The following GOT1 variants were observed in gnomAD, a reference collection of about 807,000 sequenced individuals.
GOT1 encodes the protein glutamic-oxaloacetic transaminase 1.
GOT1 carries 25 observed loss-of-function variants against 48.2 expected under a neutral mutation model. The ratio of observed to expected loss-of-function variants is 0.52; its 90% CI spans 0.38 to 0.72. The LOEUF (loss-of-function observed/expected upper bound fraction) is 0.72. Among genes scored for constraint, GOT1 ranks in the 30% least tolerant of loss-of-function variants. The probability of loss-of-function intolerance (pLI) is 0.00; values close to 1 mark genes in which losing one functional copy is unlikely to be tolerated. For synonymous variants in GOT1, 188 were observed against 193.8 expected (o/e 0.97, Z 0.25); for missense variants, 380 against 520.1 (o/e 0.73, Z 2.62).
chr10:99,406,328 A>G, intron 3 of GOT1, 79 bp from the exon 4 acceptor site: 1 of 997,438 alleles, frequency 1.0e-6, no homozygotes, highest in Non-Finnish European at 1.6e-6. Context: ...GTCAGCTTCC[A>G]GGGCCCTCCC....
rs2032695540 is a variant in GOT1, at chr10:99,402,577, T to TA, written c.1102+2dup. On this transcript the variant is annotated splice_region_variant and intron_variant, in intron 8 of 8. Transcript: ENST00000370508. ...TGGGCTGGAGGTGGTGGGGGCCACT[T>TA]ACGGTTCAACCCAGTGAAGCTGAAC... The TA allele has an allele frequency of 6.2e-7, 1 of 1,614,178 alleles. No homozygotes were observed. The highest frequency in any genetic ancestry group is 8.5e-7 in the Non-Finnish European group (1 of 1,180,012).
Position 99,421,972 on chromosome 10 carries a change from A to G in GOT1, c.119-1167T>C, listed in dbSNP as rs531472543. On this transcript the variant is annotated intron_variant, in intron 1 of 8. Coordinates refer to ENST00000370508, the MANE Select transcript of GOT1 (RefSeq NM_002079.3). ...GCCCAGAAGGTAAAAAATAAACATT[A>G]TAATTAACATGTGATTGTGTTTTGA... is the stretch of plus-strand genomic sequence containing the variant. Among the ~76,000 whole-genome samples the G allele has an allele frequency of 4.5e-4, 69 of 152,338 alleles. 2 individuals are homozygous for G. In the South Asian group the frequency reaches 0.014, roughly 32 times the overall value.
chr10:99,409,215 C>T (rs895931808), intron 2 of GOT1, among the ~76,000 whole-genome samples: 1 of 152,034 alleles, frequency 6.6e-6, no homozygotes, highest in Non-Finnish European at 1.5e-5. Flanking sequence ...TTACTGCAAC[C>T]TCCGCCTCCT....
intron 7 of GOT1, 135 bp from the exon 8 acceptor site, chr10:99,402,857 T>C: frequency 1.4e-6 from 1 of 692,294 alleles, no homozygotes; most frequent in Non-Finnish European, 2.5e-6. Flanking sequence ...CATGTGGATG[T>C]CTGGATGGGT....
chr10:99,420,412 G>A (rs1300340809), intron 2 of GOT1: 1 of 508,098 alleles, frequency 2.0e-6, no homozygotes, highest in Non-Finnish European at 3.5e-6. Context: ...AAAATCTGAT[G>A]ATCTACTGGG....
At chr10:99,414,260 T>C (rs1324215927) in intron 2 of GOT1, among the ~76,000 whole-genome samples, 1 of 151,616 alleles carries the variant, frequency 6.6e-6, no homozygotes, top group African/African-American at 2.4e-5. Flanking sequence ...ACCAAGCAAA[T>C]GGAAAACAAA....
intron 3 of GOT1, 84 bp from the exon 4 acceptor site, chr10:99,406,333 C>T (rs925755566): frequency 1.1e-6 from 1 of 936,504 alleles, no homozygotes; most frequent in Non-Finnish European, 1.7e-6. Flanking sequence ...CTTCCAGGGC[C>T]CTCCCAGGCT....
chr10:99,406,651 G>A (rs767576798), intron 3 of GOT1, 75 bp downstream of exon 3: 156 of 1,444,216 alleles, frequency 1.1e-4, no homozygotes, highest in Non-Finnish European at 1.5e-4. Context: ...TACATTTTCT[G>A]TGTAACCAGG....
At chr10:99,424,526 C>G (rs1292678578) in intron 1 of GOT1, among the ~76,000 whole-genome samples, 1 of 152,130 alleles carries the variant, frequency 6.6e-6, no homozygotes. Context: ...GGTGTTATAT[C>G]TATTCTATAA....
At position 99,430,474 on chromosome 10, in the gene GOT1, G is replaced by A; in HGVS notation, c.92C>T (p.Pro31Leu). The A allele has an allele frequency of 6.2e-7, 1 of 1,611,076 alleles. No homozygotes were observed. Among genetic ancestry groups the A allele is most frequent in the Non-Finnish European group, 8.5e-7 (1 of 1,178,092 alleles). The change falls in exon 1 of 9, where the codon CCC becomes CTC. Residue 31 changes from proline to leucine, a missense_variant. Pro to Leu is a moderately conservative substitution (Grantham distance 98, BLOSUM62 -3). Transcript: ENST00000370508. ...LTADFREDPD[P>L]RKVNLGVGAY... ...TCCCACTCCCAGGTTGACCTTGCGG[G>A]GGTCCGGATCCTCCCTGAAGTCGGC...
Position 99,402,577 on chromosome 10 carries a change from T to C in GOT1, c.1102+3A>G. 6.2e-7 allele frequency: 1 copy of C among 1,614,178 alleles called. No homozygotes were observed. The highest frequency in any genetic ancestry group is 8.5e-7 in the Non-Finnish European group (1 of 1,180,012). ...TGGGCTGGAGGTGGTGGGGGCCACT[T>C]ACGGTTCAACCCAGTGAAGCTGAAC... On this transcript the variant is annotated splice_donor_region_variant and intron_variant, in intron 8 of 8. Transcript: ENST00000370508.
chr10:99,427,471 G>A (rs1230357328), intron 1 of GOT1, among the ~76,000 whole-genome samples: 7 of 152,164 alleles, frequency 4.6e-5, no homozygotes, highest in Admixed American at 3.3e-4. Context: ...GGGTTTCACC[G>A]TGTTAGCCAG....
intron 2 of GOT1, among the ~76,000 whole-genome samples, chr10:99,408,838 T>C (rs1413983510): frequency 6.6e-6 from 1 of 152,218 alleles, no homozygotes; most frequent in Non-Finnish European, 1.5e-5. Flanking sequence ...GCCTAATCTA[T>C]AAGTCGTTTT....
At chr10:99,419,792 C>T (rs2032943954) in intron 2 of GOT1, among the ~76,000 whole-genome samples, 1 of 152,166 alleles carries the variant, frequency 6.6e-6, no homozygotes, top group African/African-American at 2.4e-5. Flanking sequence ...CCCGGCCTCG[C>T]TCACACATTC....
In GOT1 at chr10:99,403,542, A is replaced by G; in HGVS notation, c.886T>C (p.Trp296Arg). The G allele has an allele frequency of 6.2e-7, 1 of 1,614,092 alleles. No individual in the cohort carries two copies. The highest frequency in any genetic ancestry group is 8.5e-7 in the Non-Finnish European group (1 of 1,179,976). ...SQMEKIVRIT[W>R]SNPPAQGARI... is the part of the protein sequence containing the mutation. Reference sequence around the variant, plus strand: ...GCTCCCTGGGCGGGGGGATTGGACCAAGTAATCCGCACGATCTTCTCCATC... The same window carrying G: ...GCTCCCTGGGCGGGGGGATTGGACCGAGTAATCCGCACGATCTTCTCCATC... Residue 296 changes from tryptophan to arginine, a missense_variant, in exon 7 of 9, where the codon TGG becomes CGG. Physicochemically the swap from Trp to Arg is moderately radical, Grantham distance 101. Coordinates refer to ENST00000370508, the MANE Select transcript of GOT1 (RefSeq NM_002079.3).
chr10:99,407,578 G>A (rs1026578202), intron 2 of GOT1, among the ~76,000 whole-genome samples: 11 of 151,668 alleles, frequency 7.3e-5, no homozygotes, highest in Non-Finnish European at 1.2e-4. Flanking sequence ...GACTACAGGC[G>A]CCTGCCACCA....
intron 8 of GOT1, among the ~76,000 whole-genome samples, chr10:99,400,998 G>T (rs946188184): frequency 1.3e-5 from 2 of 152,150 alleles, no homozygotes; most frequent in African/African-American, 4.8e-5. Flanking sequence ...AAGGGCAAAT[G>T]ATGCCAAGCG....
At chr10:99,413,637 G>T (rs1486902083) in intron 2 of GOT1, among the ~76,000 whole-genome samples, 2 of 152,114 alleles carry the variant, frequency 1.3e-5, no homozygotes, top group East Asian at 3.9e-4. Flanking sequence ...ACACATAATT[G>T]TCAGATTCAC....
At chr10:99,401,503 G>A (rs763512094) in intron 8 of GOT1, among the ~76,000 whole-genome samples, 4 of 151,988 alleles carry the variant, frequency 2.6e-5, no homozygotes, top group African/African-American at 4.8e-5. Flanking sequence ...CAGGTGAGTC[G>A]CCACATCTGC....
Sources: gnomAD v4.1 joint callset for allele counts (sites outside exome capture counted in the v4.1 genomes callset) on GRCh38, gnomAD v4.1.1 for gene constraint, MANE v1.5 for transcripts, NCBI Gene and HGNC (gene_info 2026-07-23, HGNC 2026-07-21) for gene names.